ATP8A2: variants seen among roughly 807,000 people sequenced by gnomAD.
The protein encoded by ATP8A2 is ATPase phospholipid transporting 8A2.
Under a neutral mutation model 165.6 loss-of-function variants are expected in ATP8A2, and 100 were observed. The ratio of observed to expected loss-of-function variants is 0.60; its 90% CI spans 0.51 to 0.71. The LOEUF (loss-of-function observed/expected upper bound fraction) is 0.71, where lower values mean the gene tolerates loss of function less well. ATP8A2 is among the 30% of genes least tolerant of loss of function. The pLI is 0.00. For synonymous variants in ATP8A2, 543 were observed against 548.8 expected, an observed-to-expected ratio of 0.99 and a Z score of 0.15; for missense variants, 1,227 against 1,479.5, an observed-to-expected ratio of 0.83 and a Z score of 2.80.
At chr13:25,857,136 C>T (rs1952188785) in intron 30 of ATP8A2, among the ~76,000 whole-genome samples, 1 of 152,206 alleles carries the variant, frequency 6.6e-6, no homozygotes, top group African/African-American at 2.4e-5. Context: ...TTTTCCTTCT[C>T]CCAGTGCCTG....
chr13:25,480,332 G>T (rs1305346864), intron 2 of ATP8A2, among the ~76,000 whole-genome samples: 1 of 151,656 alleles, frequency 6.6e-6, no homozygotes, highest in Non-Finnish European at 1.5e-5. Flanking sequence ...GGCGGCTGCC[G>T]GGCGGAGACG....
At position 25,492,001 on chromosome 13, in the gene ATP8A2, T is replaced by C. The variant is rs571285820; in HGVS notation, c.221+22880T>C. ...ATAAATACTTGTGCTTTATTCTCTT[T>C]TTTTTGGACGATAAAAATTTTTATT... On this transcript the variant is annotated intron_variant, in intron 2 of 36. Transcript: ENST00000381655. Among the ~76,000 whole-genome samples, 260 of 152,246 alleles carry C rather than the reference T, an allele frequency of 1.7e-3. 1 individual carries two copies. The highest frequency in any genetic ancestry group is 6.2e-3 in the African/African-American group (256 of 41,582).
rs543923355 is a variant in ATP8A2, at chr13:25,657,244, G to A, written c.2212-41929G>A. ...ACCAAAGTGCAAAATAAGAGGAGGA[G>A]CTGTCTGTATCCTCTTTTGCCTTGT... On this transcript the variant is annotated intron_variant, in intron 24 of 36. Coordinates refer to ENST00000381655, the MANE Select transcript of ATP8A2 (RefSeq NM_016529.6). 3.9e-5 allele frequency among the ~76,000 whole-genome samples: 6 copies of A among 152,142 alleles called. No homozygotes were observed. The East Asian group carries it at 1.2e-3, about 29-fold the overall frequency.
At chr13:25,455,211 A>G (rs2035333945) in intron 1 of ATP8A2, among the ~76,000 whole-genome samples, 1 of 152,194 alleles carries the variant, frequency 6.6e-6, no homozygotes, top group Non-Finnish European at 1.5e-5. Flanking sequence ...CAGCACAGAA[A>G]AAGGGAGCTC....
chr13:25,976,774 G>A (rs547383835), intron 35 of ATP8A2, among the ~76,000 whole-genome samples: 13 of 151,484 alleles, frequency 8.6e-5, no homozygotes, highest in East Asian at 1.9e-4. Context: ...GTGTGAAAGC[G>A]GCTCATTTTG....
At chr13:25,786,140 A>G (rs73484527) in intron 27 of ATP8A2, among the ~76,000 whole-genome samples, 4,564 of 152,238 alleles carry the variant, frequency 0.03, 256 homozygotes, top group Admixed American at 0.14. Flanking sequence ...AATAGCTTCT[A>G]TTTAAAAGTA....
chr13:25,717,406 T>A (rs1417113243), intron 25 of ATP8A2, among the ~76,000 whole-genome samples: 6 of 105,070 alleles, frequency 5.7e-5, no homozygotes, highest in Non-Finnish European at 7.1e-5. Context: ...TTCCATATGA[T>A]CCTGAAAAAA....
intron 25 of ATP8A2, among the ~76,000 whole-genome samples, chr13:25,752,981 A>G (rs565469388): frequency 1.3e-5 from 2 of 152,184 alleles, no homozygotes; most frequent in South Asian, 2.1e-4. Flanking sequence ...TAAATAGGTC[A>G]TCTCTCCCCT....
intron 2 of ATP8A2, among the ~76,000 whole-genome samples, chr13:25,471,308 G>T (rs2035837695): frequency 6.6e-6 from 1 of 151,476 alleles, no homozygotes; most frequent in Admixed American, 6.6e-5. Context: ...AAAAAATAGA[G>T]GCCTTTGTTT....
chr13:25,646,401 A>G (rs528967638), intron 24 of ATP8A2, among the ~76,000 whole-genome samples: 1 of 152,280 alleles, frequency 6.6e-6, no homozygotes, highest in South Asian at 2.1e-4. Flanking sequence ...CTGTAATCCC[A>G]GCACTTTGGA....
At chr13:25,887,513 GT>G (rs2138879440) in intron 33 of ATP8A2, among the ~76,000 whole-genome samples, 1 of 152,148 alleles carries the variant, frequency 6.6e-6, no homozygotes, top group Non-Finnish European at 1.5e-5. Flanking sequence ...TAATTTTTGT[GT>G]TTTTAGTAGA....
chr13:25,794,312 C>T (rs995208233), intron 27 of ATP8A2, among the ~76,000 whole-genome samples: 7 of 152,190 alleles, frequency 4.6e-5, no homozygotes, highest in Non-Finnish European at 7.3e-5. Context: ...TGCAGTATAC[C>T]TATGCAGTGG....
chr13:25,866,999 C>A (rs1214166186), intron 33 of ATP8A2, among the ~76,000 whole-genome samples: 1 of 152,200 alleles, frequency 6.6e-6, no homozygotes, highest in African/African-American at 2.4e-5. Context: ...TCCTCACTAA[C>A]TTTTGCTGCT....
intron 24 of ATP8A2, among the ~76,000 whole-genome samples, chr13:25,689,960 T>G (rs1479802362): frequency 6.6e-6 from 1 of 152,220 alleles, no homozygotes; most frequent in African/African-American, 2.4e-5. Flanking sequence ...TCTTAAAACA[T>G]ATACATTATT....
At chr13:25,739,225 C>T (rs2138136134) in intron 25 of ATP8A2, among the ~76,000 whole-genome samples, 1 of 152,344 alleles carries the variant, frequency 6.6e-6, no homozygotes, top group South Asian at 2.1e-4. Context: ...GGGCCCAGGG[C>T]ACCTTGGCGA....
chr13:25,814,319 T>C (rs545539864), intron 27 of ATP8A2, among the ~76,000 whole-genome samples: 1 of 152,280 alleles, frequency 6.6e-6, no homozygotes, highest in Non-Finnish European at 1.5e-5. Flanking sequence ...AATGCAAATA[T>C]GTAGAGATTG....
intron 35 of ATP8A2, among the ~76,000 whole-genome samples, chr13:25,993,556 C>A (rs534148028): frequency 3.9e-5 from 6 of 152,258 alleles, no homozygotes; most frequent in Non-Finnish European, 8.8e-5. Context: ...GATCAAAGTT[C>A]TTTTTTTCTG....
At chr13:25,410,012 G>GATA (rs74726344) in intron 1 of ATP8A2, among the ~76,000 whole-genome samples, 5 of 148,898 alleles carry the variant, frequency 3.4e-5, no homozygotes, top group African/African-American at 7.4e-5. Context: ...TTTTGTATGT[G>GATA]TATTCAGAAA....
chr13:25,992,218 C>CTTTTT (rs560341350), intron 35 of ATP8A2, among the ~76,000 whole-genome samples: 1 of 120,534 alleles, frequency 8.3e-6, no homozygotes, highest in African/African-American at 3.1e-5. Flanking sequence ...CAGTGCTGTC[C>CTTTTT]TTTTTTTTTT....
Sources: gnomAD v4.1 joint callset for allele counts (sites outside exome capture counted in the v4.1 genomes callset) on GRCh38, gnomAD v4.1.1 for gene constraint, MANE v1.5 for transcripts, NCBI Gene and HGNC (gene_info 2026-07-23, HGNC 2026-07-21) for gene names.